Variants in PIAS1 observed in about 807,000 individuals in gnomAD.
PIAS1 encodes E3 SUMO-protein ligase PIAS1.
A neutral mutation model predicts 71.3 loss-of-function variants in PIAS1; 6 were observed. The ratio of observed to expected loss-of-function variants is 0.08; its 90% CI spans 0.05 to 0.17. The LOEUF (loss-of-function observed/expected upper bound fraction) is 0.17, where lower values mean the gene tolerates loss of function less well. Ranked by LOEUF, PIAS1 falls within the 10% of genes least tolerant of loss-of-function variation. PIAS1 has a pLI of 1.00. For missense variants in PIAS1, 555 were observed against 793.6 expected, an observed-to-expected ratio of 0.70 and a Z score of 3.61; for synonymous variants, 303 against 292.9, an observed-to-expected ratio of 1.03 and a Z score of -0.35.
Position 68,136,322 on chromosome 15 carries a change from G to A in PIAS1, c.470-5624G>A, listed in dbSNP as rs1327309112. Among the ~76,000 whole-genome samples, 3 of 52,366 alleles carry A rather than the reference G, an allele frequency of 5.7e-5. 1 individual carries two copies. Among genetic ancestry groups the A allele is most frequent in the African/African-American group, 1.2e-4 (3 of 25,564 alleles). The allele number at this position is 52,366 out of a possible 152,430, so 34.4% of individuals were successfully genotyped here. On this transcript the variant is annotated intron_variant, in intron 2 of 13. Transcript: ENST00000249636. ...TCCAGCCTGGGCACCATTGAGCACTGAGTGAACCAGACTCCGTCTGCAATC... is the reference window on the plus strand; with the variant it reads ...TCCAGCCTGGGCACCATTGAGCACTAAGTGAACCAGACTCCGTCTGCAATC...
At chr15:68,134,401 C>T (rs1197191317) in intron 2 of PIAS1, among the ~76,000 whole-genome samples, 2 of 52,096 alleles carry the variant, frequency 3.8e-5, no homozygotes, top group African/African-American at 8.2e-5. Context: ...GGGCGGCTGG[C>T]CGGGCAGAGG....
In PIAS1 at chr15:68,187,409, T is replaced by C. The variant is rs1044812527; in HGVS notation, c.1663-133T>C. 2.6e-6 allele frequency: 2 copies of C among 773,706 alleles called. No homozygotes were observed. The highest frequency in any genetic ancestry group is 3.5e-5 in the African/African-American group (2 of 57,230). The allele number at this position is 773,706 out of a possible 1,614,324, so 47.9% of individuals were successfully genotyped here. A position where few individuals can be genotyped will look rare whatever the true frequency, so the allele number is the denominator to read the frequency against. ...CATAAGGCCATTTGATTTTGCAAAA[T>C]GTCTTAGTAAATATTTCAGAAACCC... On this transcript the variant is annotated intron_variant, in intron 13 of 13. Coordinates refer to ENST00000249636, the MANE Select transcript of PIAS1 (RefSeq NM_016166.3). The surrounding 1 kb of genome is among the most constrained non-coding windows in gnomAD (Gnocchi z 5.3).
rs1042945526 is a variant in PIAS1, at chr15:68,188,371, A to G, written c.*536A>G. On this transcript the variant is annotated 3_prime_UTR_variant, in exon 14 of 14. Transcript: ENST00000249636. ...TATCCAGCCTTAAGTTATAAAGCTC[A>G]TCTGTCCCGCTGCATTCCCTGTGTA... The G allele has an allele frequency of 1.3e-5, 2 of 154,928 alleles. No individual in the cohort carries two copies. The highest frequency in any genetic ancestry group is 2.4e-5 in the African/African-American group (1 of 41,438). 9.6% of individuals were successfully genotyped at this position (154,928 alleles called of 1,614,324 possible).
chr15:68,104,338 T>A (rs1229608598), intron 2 of PIAS1, among the ~76,000 whole-genome samples: 1 of 152,204 alleles, frequency 6.6e-6, no homozygotes, highest in Non-Finnish European at 1.5e-5. Context: ...GTTTCTCTTT[T>A]ATTTTCTAAT....
chr15:68,145,932 A>G (rs540153843), intron 5 of PIAS1, 26 bp downstream of exon 5: 1 of 1,279,074 alleles, frequency 7.8e-7, no homozygotes, highest in East Asian at 2.3e-5. Flanking sequence ...TGTTTTTTAA[A>G]ATTCATTGCC....
intron 11 of PIAS1, among the ~76,000 whole-genome samples, chr15:68,177,456 CTTCAGAATGTGAAT>C (rs1341945787): frequency 1.3e-5 from 2 of 152,258 alleles, no homozygotes; most frequent in African/African-American, 4.8e-5. Flanking sequence ...TTTAAATCTG[CTTCAGAATGTGAAT>C]GAGGCTGGTA....
At chr15:68,152,531 C>A (rs925278350) in intron 6 of PIAS1, among the ~76,000 whole-genome samples, 1 of 152,156 alleles carries the variant, frequency 6.6e-6, no homozygotes, top group Non-Finnish European at 1.5e-5. Flanking sequence ...TAATCATGAG[C>A]AGATTGCATA....
chr15:68,057,575 G>C (rs1027949234), intron 1 of PIAS1: 1 of 395,514 alleles, frequency 2.5e-6, no homozygotes, highest in Non-Finnish European at 4.9e-6. Flanking sequence ...AAGTTACTAT[G>C]AGTGTGTCAG....
At chr15:68,065,420 T>G (rs2092006751) in intron 1 of PIAS1, among the ~76,000 whole-genome samples, 1 of 151,704 alleles carries the variant, frequency 6.6e-6, no homozygotes, top group African/African-American at 2.4e-5. Context: ...CAAAACCACA[T>G]CTCTACCAAA....
rs763206935 is a variant in PIAS1, at chr15:68,145,801, T to C, written c.603-15T>C. 5 of 1,452,344 alleles carry C rather than the reference T, an allele frequency of 3.4e-6. No homozygotes were observed. The highest frequency in any genetic ancestry group is 9.7e-7 in the Non-Finnish European group (1 of 1,033,514). 90.0% of individuals were successfully genotyped at this position (1,452,344 alleles called of 1,614,324 possible). A position where few individuals can be genotyped will look rare whatever the true frequency, so the allele number is the denominator to read the frequency against. On this transcript the variant is annotated splice_polypyrimidine_tract_variant and intron_variant, in intron 4 of 13. Transcript: ENST00000249636. ...CCTTTAATAAAGGAAATTAAACTTG[T>C]CCTTTATTGTTTAGGTTTTGTTTAT... is the stretch of plus-strand genomic sequence containing the variant.
intron 9 of PIAS1, 109 bp from the exon 10 acceptor site, chr15:68,175,528 G>A (rs1200720456): frequency 2.5e-6 from 1 of 403,732 alleles, no homozygotes. Context: ...CATAAATTAG[G>A]CAGCTATATT....
intron 13 of PIAS1, chr15:68,184,002 CT>C (rs550803946): frequency 0.011 from 1,614 of 152,190 alleles, no homozygotes; most frequent in South Asian, 0.022. Context: ...TGTACCTCTA[CT>C]TTTTTTTTTT....
At chr15:68,075,146 G>T (rs1374913897) in intron 1 of PIAS1, among the ~76,000 whole-genome samples, 4 of 133,902 alleles carry the variant, frequency 3.0e-5, no homozygotes, top group African/African-American at 1.2e-4. Context: ...GCGAAGTGGC[G>T]TGATCTTGGC....
intron 2 of PIAS1, among the ~76,000 whole-genome samples, chr15:68,120,124 G>A (rs1595740844): frequency 6.6e-6 from 1 of 151,984 alleles, no homozygotes; most frequent in South Asian, 2.1e-4. Flanking sequence ...GCTTTGTTTT[G>A]GTCATGGTAT....
chr15:68,161,264 G>A (rs775051319), intron 7 of PIAS1, among the ~76,000 whole-genome samples: 18 of 152,160 alleles, frequency 1.2e-4, no homozygotes, highest in Non-Finnish European at 2.2e-4. Flanking sequence ...TTTGTATGCC[G>A]AAAACTACAA....
intron 2 of PIAS1, among the ~76,000 whole-genome samples, chr15:68,105,029 G>A (rs2092457423): frequency 6.6e-6 from 1 of 152,142 alleles, no homozygotes; most frequent in Non-Finnish European, 1.5e-5. Flanking sequence ...CAGGGTAGGT[G>A]GGTTAGGTTT....
At chr15:68,078,194 TTG>T (rs2092191448) in intron 1 of PIAS1, among the ~76,000 whole-genome samples, 1 of 152,238 alleles carries the variant, frequency 6.6e-6, no homozygotes, top group African/African-American at 2.4e-5. Flanking sequence ...TGAATGATGA[TTG>T]TTCTCATGAT....
At position 68,186,400 on chromosome 15, in the gene PIAS1, A is replaced by G. The variant is rs2093087811; in HGVS notation, c.1663-1142A>G. Among the ~76,000 whole-genome samples, 1 of 152,222 alleles carries G rather than the reference A, an allele frequency of 6.6e-6. No homozygotes were observed. Among genetic ancestry groups the G allele is most frequent in the Non-Finnish European group, 1.5e-5 (1 of 68,040 alleles). ...AGAATAAGGATATAAAGAAGGAAAT[A>G]TTTTTGTTCAGCTGTACAATGTACT... On this transcript the variant is annotated intron_variant, in intron 13 of 13. Coordinates refer to ENST00000249636, the MANE Select transcript of PIAS1 (RefSeq NM_016166.3). The surrounding 1 kb of genome is among the most constrained non-coding windows in gnomAD (Gnocchi z 4.4).
rs769021152 is a variant in PIAS1, at chr15:68,176,673, A to T, written c.1481+19A>T. ...ATAAAGGGTAAGTGCTGAGACATTTAAAAAAAAAAGTAATCATGAAAATTA... is the reference window on the plus strand; with the variant it reads ...ATAAAGGGTAAGTGCTGAGACATTTTAAAAAAAAAGTAATCATGAAAATTA... On this transcript the variant is annotated intron_variant, in intron 11 of 13. Transcript: ENST00000249636. 197 of 1,095,298 alleles carry T rather than the reference A, an allele frequency of 1.8e-4. No individual in the cohort carries two copies. Among genetic ancestry groups the T allele is most frequent in the Non-Finnish European group, 2.2e-4 (175 of 811,374 alleles). 67.8% of individuals were successfully genotyped at this position (1,095,298 alleles called of 1,614,324 possible).
Sources: gnomAD v4.1 joint callset for allele counts (sites outside exome capture counted in the v4.1 genomes callset) on GRCh38, gnomAD v4.1.1 for gene constraint, Gnocchi (gnomAD v3.1) non-coding constraint, MANE v1.5 for transcripts, NCBI Gene and HGNC (gene_info 2026-07-23, HGNC 2026-07-21) for gene names.